Variants in SCN9A observed in about 807,000 individuals in gnomAD.
SCN9A encodes the protein sodium channel protein type 9 subunit alpha.
SCN9A carries 131 observed loss-of-function variants against 187.0 expected under a neutral mutation model. The ratio of observed to expected loss-of-function variants is 0.70; its 90% CI spans 0.61 to 0.81. The LOEUF is 0.81. SCN9A is among the 30% of genes least tolerant of loss of function. The pLI is 0.00. For synonymous variants in SCN9A, 809 were observed against 808.6 expected (o/e 1.00, Z -0.01); for missense variants, 2,252 against 2,396.6 (o/e 0.94, Z 1.26).
intron 24 of SCN9A, among the ~76,000 whole-genome samples, chr2:166,213,449 C>T (rs1694180608): frequency 7.5e-6 from 1 of 133,780 alleles, no homozygotes. Context: ...ACTGAATAGA[C>T]AAATTGAACC....
At position 166,256,327 on chromosome 2, in the gene SCN9A, G is replaced by A. The variant is rs62178467; in HGVS notation, c.3352-4442C>T. Among the ~76,000 whole-genome samples the A allele has an allele frequency of 8.0e-5, 12 of 150,816 alleles. No individual in the cohort carries two copies. The South Asian group carries it at 2.5e-3, about 31-fold the overall frequency. ...GATTTAGATTTCTGGGCCCCTTGAGGTCTCTACAATCTTTTTTTTTTGATA... is the reference window on the plus strand; with the variant it reads ...GATTTAGATTTCTGGGCCCCTTGAGATCTCTACAATCTTTTTTTTTTGATA... On this transcript the variant is annotated intron_variant, in intron 17 of 26. Coordinates refer to ENST00000642356, the MANE Select transcript of SCN9A (RefSeq NM_001365536.1).
Position 166,272,759 on chromosome 2 carries a change from C to T in SCN9A, c.2991G>A (p.Lys997=). Residue 997 remains lysine (K), a synonymous_variant, in exon 17 of 27, where the codon AAG becomes AAA. Coordinates refer to ENST00000642356, the MANE Select transcript of SCN9A (RefSeq NM_001365536.1). The part of the protein sequence containing the change: ...NLQIAVTRIK[K]GINYVKQTLR... ...AGGTTTGTTTCACATAATTTATTCC[C>T]TTTTTAATTCTAGTCACTGCAATCT... is the stretch of plus-strand genomic sequence containing the variant. 2 of 1,543,382 alleles carry T rather than the reference C, an allele frequency of 1.3e-6. No individual in the cohort carries two copies. The highest frequency in any genetic ancestry group is 2.8e-5 in the African/African-American group (2 of 72,336).
chr2:166,275,277 T>G (rs1351405360), intron 16 of SCN9A, among the ~76,000 whole-genome samples: 1 of 152,072 alleles, frequency 6.6e-6, no homozygotes, highest in East Asian at 1.9e-4. Flanking sequence ...CGATTTTATG[T>G]CAAAATTTTG....
At chr2:166,308,125 T>C (rs1039368547) in intron 2 of SCN9A, among the ~76,000 whole-genome samples, 5 of 152,222 alleles carry the variant, frequency 3.3e-5, no homozygotes, top group African/African-American at 1.2e-4. Flanking sequence ...ATCAGTTCTA[T>C]CTAAATACAA....
chr2:166,224,565 A>G (rs1694766664), intron 24 of SCN9A, among the ~76,000 whole-genome samples: 1 of 152,160 alleles, frequency 6.6e-6, no homozygotes, highest in Non-Finnish European at 1.5e-5. Flanking sequence ...GTTAGTTGAC[A>G]AGAAACTCCA....
At chr2:166,372,880 G>T (rs897016212) in intron 1 of SCN9A, among the ~76,000 whole-genome samples, 2 of 152,104 alleles carry the variant, frequency 1.3e-5, no homozygotes, top group Admixed American at 1.3e-4. Context: ...GACATAGTCT[G>T]GGTTCCCTTG....
Position 166,276,863 on chromosome 2 carries a change from T to C in SCN9A, c.2874+120A>G, listed in dbSNP as rs1574850840. 4.3e-5 allele frequency: 34 copies of C among 794,626 alleles called. No individual in the cohort carries two copies. The East Asian group carries it at 1.2e-3, about 27-fold the overall frequency. The allele number at this position is 794,626 out of a possible 1,614,324, so 49.2% of individuals were successfully genotyped here. On this transcript the variant is annotated intron_variant, in intron 16 of 26. Coordinates refer to ENST00000642356, the MANE Select transcript of SCN9A (RefSeq NM_001365536.1). ...CTTTCTTGTATTAAAATTATCACTA[T>C]TCTTTTGCAATTAATAATTGTAGAT...
intron 18 of SCN9A, among the ~76,000 whole-genome samples, chr2:166,249,898 T>C (rs1300782715): frequency 6.6e-6 from 1 of 152,118 alleles, no homozygotes; most frequent in Admixed American, 6.6e-5. Flanking sequence ...AAAATCTTGG[T>C]AGCATCAATA....
chr2:166,336,774 T>G (rs1420396983), intron 1 of SCN9A, among the ~76,000 whole-genome samples: 1 of 152,140 alleles, frequency 6.6e-6, no homozygotes. Context: ...ATCATTCCAG[T>G]GTCATCCAGT....
intron 24 of SCN9A, among the ~76,000 whole-genome samples, chr2:166,216,085 A>G (rs1378995496): frequency 6.6e-6 from 1 of 152,130 alleles, no homozygotes; most frequent in African/African-American, 2.4e-5. Context: ...GGTTAAACAT[A>G]CATAAATCAA....
intron 7 of SCN9A, among the ~76,000 whole-genome samples, chr2:166,296,747 T>G (rs889845436): frequency 2.0e-5 from 3 of 152,302 alleles, no homozygotes; most frequent in South Asian, 2.1e-4. Context: ...TAGAAAACTT[T>G]ACAATAATTT....
In SCN9A at chr2:166,311,330, CTATATATATATATATA is replaced by C. The variant is rs10688081; in HGVS notation, c.258+153_258+168del. On this transcript the variant is annotated intron_variant, in intron 2 of 26. Transcript: ENST00000642356. ...TGAAAAAGTACAGATTCTGAATATC[CTATATATATATATATA>C]TATATATATATATATATATATATAT... is the stretch of plus-strand genomic sequence containing the variant. 9.0e-4 allele frequency among the ~76,000 whole-genome samples: 42 copies of C among 46,720 alleles called. No individual in the cohort carries two copies. The South Asian group carries it at 0.012, about 13-fold the overall frequency. The allele number at this position is 46,720 out of a possible 152,430, so 30.7% of individuals were successfully genotyped here.
chr2:166,251,955 A>T, intron 17 of SCN9A, 70 bp from the exon 18 acceptor site: 1 of 1,542,634 alleles, frequency 6.5e-7, no homozygotes, highest in East Asian at 2.3e-5. Context: ...TTTAAGCCTT[A>T]TTTAATAATC....
At chr2:166,246,178 C>G (rs1695780239) in intron 18 of SCN9A, among the ~76,000 whole-genome samples, 1 of 151,942 alleles carries the variant, frequency 6.6e-6, no homozygotes, top group Admixed American at 6.6e-5. Context: ...TAGTCCTCTA[C>G]TTGGCTTAAT....
intron 1 of SCN9A, among the ~76,000 whole-genome samples, chr2:166,326,134 C>G (rs1220235494): frequency 2.0e-5 from 3 of 152,012 alleles, no homozygotes; most frequent in African/African-American, 7.2e-5. Context: ...TGGAGTCCTT[C>G]CTACACCTGG....
At chr2:166,199,907 G>T in intron 26 of SCN9A, 43 bp from the exon 27 acceptor site, 1 of 1,376,794 alleles carries the variant, frequency 7.3e-7, no homozygotes, top group Non-Finnish European at 9.9e-7. Flanking sequence ...ATTTAAAGAT[G>T]TATGCTACCT....
At chr2:166,356,655 C>T (rs994835565) in intron 1 of SCN9A, among the ~76,000 whole-genome samples, 1 of 152,194 alleles carries the variant, frequency 6.6e-6, no homozygotes, top group Non-Finnish European at 1.5e-5. Flanking sequence ...CTTGTGTATC[C>T]ATCCATGTGG....
At chr2:166,251,670 G>T in intron 18 of SCN9A, 95 bp downstream of exon 18, 2 of 1,340,296 alleles carry the variant, frequency 1.5e-6, no homozygotes, top group South Asian at 1.2e-5. Context: ...GGAGTCTTCT[G>T]ACTTACCGAC....
intron 23 of SCN9A, 72 bp downstream of exon 23, chr2:166,227,598 G>T: frequency 1.1e-6 from 1 of 885,424 alleles, no homozygotes. Context: ...TGAAGTTATA[G>T]TTTGGAAATC....
Sources: allele counts gnomAD v4.1 joint callset (sites outside exome capture counted in the v4.1 genomes callset), GRCh38; gene constraint gnomAD v4.1.1; transcripts MANE v1.5; gene names NCBI Gene and HGNC (gene_info 2026-07-23, HGNC 2026-07-21).